ACVR1B: variants seen among roughly 807,000 people sequenced by gnomAD.
ACVR1B encodes the protein activin A receptor type 1B, also known as activin receptor type-1B.
Under a neutral mutation model 55.6 loss-of-function variants are expected in ACVR1B, and 15 were observed. The ratio of observed to expected loss-of-function variants is 0.27; its 90% CI spans 0.18 to 0.42. The LOEUF (loss-of-function observed/expected upper bound fraction) is 0.42, where lower values mean the gene tolerates loss of function less well. Among genes scored for constraint, ACVR1B ranks in the 10% least tolerant of loss-of-function variants. The probability of loss-of-function intolerance (pLI) is 1.00; values close to 1 mark genes in which losing one functional copy is unlikely to be tolerated. For synonymous variants in ACVR1B, 247 were observed against 254.6 expected (o/e 0.97, Z 0.28); for missense variants, 359 against 670.1 (o/e 0.54, Z 5.13).
intron 1 of ACVR1B, among the ~76,000 whole-genome samples, chr12:51,975,004 T>A (rs184051607): frequency 6.6e-6 from 1 of 152,266 alleles, no homozygotes; most frequent in African/African-American, 2.4e-5. Flanking sequence ...GGCATCTCAA[T>A]TTGAAGAAAA....
rs201623223 is a variant in ACVR1B, at chr12:51,975,308, G to A, written c.135G>A (p.Thr45=). 5.0e-6 allele frequency: 8 copies of A among 1,613,892 alleles called. No individual in the cohort carries two copies. Among genetic ancestry groups the A allele is most frequent in the South Asian group, 3.3e-5 (3 of 91,084 alleles). The change falls in exon 2 of 9, where the codon ACG becomes ACA. Residue 45 remains threonine, a synonymous_variant. Transcript: ENST00000257963. Reference sequence around the variant, plus strand: ...CCAGCTGCCTCCAGGCCAACTACACGTGTGAGACAGATGGGGCCTGCATGG... The same window carrying A: ...CCAGCTGCCTCCAGGCCAACTACACATGTGAGACAGATGGGGCCTGCATGG... The part of the protein sequence containing the change: ...ACTSCLQANY[T]CETDGACMVS...
chr12:51,951,878 C>G (rs1347383602), intron 1 of ACVR1B, 44 bp downstream of exon 1: 1 of 1,186,384 alleles, frequency 8.4e-7, no homozygotes, highest in Non-Finnish European at 1.1e-6. Context: ...GGAGAGGGCC[C>G]GGCAAGGGCG....
intron 1 of ACVR1B, among the ~76,000 whole-genome samples, chr12:51,952,596 A>G (rs1385326687): frequency 1.3e-5 from 2 of 152,120 alleles, no homozygotes; most frequent in Admixed American, 6.5e-5. Context: ...GAGTTCCCCA[A>G]GGGTTGATGT....
At chr12:51,960,773 A>G (rs1461960064) in intron 1 of ACVR1B, among the ~76,000 whole-genome samples, 2 of 152,110 alleles carry the variant, frequency 1.3e-5, no homozygotes, top group Admixed American at 6.6e-5. Context: ...TCTGCCTTCA[A>G]TCTCCCATTT....
chr12:51,987,267 C>G (rs1942098628), intron 7 of ACVR1B: 2 of 614,850 alleles, frequency 3.3e-6, no homozygotes, highest in Non-Finnish European at 5.8e-6. Flanking sequence ...ATGCAGTGGT[C>G]TCCTTCACAT....
intron 4 of ACVR1B, 104 bp from the exon 5 acceptor site, chr12:51,983,895 A>T: frequency 8.6e-7 from 1 of 1,168,218 alleles, no homozygotes; most frequent in South Asian, 1.5e-5. Flanking sequence ...ATGTGAATTC[A>T]GGAGTCTAAC....
At position 51,964,337 on chromosome 12, in the gene ACVR1B, G is replaced by A. The variant is rs141757421; in HGVS notation, c.92-10928G>A. Among the ~76,000 whole-genome samples the A allele has an allele frequency of 7.9e-5, 12 of 152,284 alleles. No individual in the cohort carries two copies. The East Asian group carries it at 2.3e-3, about 29-fold the overall frequency. On this transcript the variant is annotated intron_variant, in intron 1 of 8. Coordinates refer to ENST00000257963, the MANE Select transcript of ACVR1B (RefSeq NM_004302.5). The stretch of plus-strand genomic sequence containing the variant: ...CAGTTTTTAATTGGGTTGTTGTTGA[G>A]TTTGAAAAGTTTTTTATATATTCTG...
chr12:51,953,594 TAAAAA>T (rs11404836), intron 1 of ACVR1B: 17 of 744,004 alleles, frequency 2.3e-5, no homozygotes, highest in Non-Finnish European at 2.6e-5. Flanking sequence ...TACTGGGTAG[TAAAAA>T]AAAAAAAAAA....
chr12:51,975,433 CG>C lies in ACVR1B; in HGVS notation c.262del (p.Glu88ArgfsTer19). ...PAGKPFYCLS[S>X]EDLRNTHCCY... ...GGGAAGCCCTTCTACTGCCTGAGCT[CG>C]GAGGACCTGCGCAACACCCACTGCT... is the stretch of plus-strand genomic sequence containing the variant. On this transcript the variant is annotated frameshift_variant, in exon 2 of 9. Coordinates refer to ENST00000257963, the MANE Select transcript of ACVR1B (RefSeq NM_004302.5). LOFTEE classifies it high-confidence loss of function. The C allele has an allele frequency of 6.2e-7, 1 of 1,614,208 alleles. No individual in the cohort carries two copies. The highest frequency in any genetic ancestry group is 8.5e-7 in the Non-Finnish European group (1 of 1,180,054).
At chr12:51,989,836 A>AT (rs1942154177) in intron 7 of ACVR1B, among the ~76,000 whole-genome samples, 1 of 151,962 alleles carries the variant, frequency 6.6e-6, no homozygotes, top group Non-Finnish European at 1.5e-5. Context: ...ATACAAAAAA[A>AT]TTGCCAGGTA....
At chr12:51,965,821 T>G (rs17701855) in intron 1 of ACVR1B, among the ~76,000 whole-genome samples, 2,747 of 152,288 alleles carry the variant, frequency 0.018, 28 homozygotes, top group Non-Finnish European at 0.022. Flanking sequence ...AACCCATCCT[T>G]AGGATACGCA....
rs1425270459 is a variant in ACVR1B at position 51,991,791 on chromosome 12, G to C, written c.1262-72G>C. 1.9e-6 allele frequency: 3 copies of C among 1,541,570 alleles called. No individual in the cohort carries two copies. The East Asian group carries it at 6.8e-5, about 35-fold the overall frequency. On this transcript the variant is annotated intron_variant, in intron 7 of 8. Transcript: ENST00000257963. The stretch of plus-strand genomic sequence containing the variant: ...GTGGTATTTACAGAGCACAGTGTAG[G>C]TTTTGTCACCGGCTTCTGAGTAATC...
intron 7 of ACVR1B, 162 bp downstream of exon 7, chr12:51,987,104 C>A: frequency 2.1e-6 from 2 of 941,884 alleles, no homozygotes; most frequent in Non-Finnish European, 3.4e-6. Context: ...GGTAGCTGTG[C>A]TTAGGGTGCG....
At chr12:51,979,250 C>T (rs910086331) in intron 3 of ACVR1B, among the ~76,000 whole-genome samples, 3 of 149,708 alleles carry the variant, frequency 2.0e-5, no homozygotes, top group Admixed American at 6.6e-5. Context: ...TAGATCACCT[C>T]AGGTCAGGAG....
intron 1 of ACVR1B, among the ~76,000 whole-genome samples, chr12:51,962,575 C>CT (rs1452802473): frequency 1.3e-5 from 2 of 151,978 alleles, no homozygotes; most frequent in Non-Finnish European, 1.5e-5. Context: ...TCTATTTAGG[C>CT]TAGTTAGAAC....
Position 51,985,173 on chromosome 12 carries a change from C to T in ACVR1B, c.980-19C>T, listed in dbSNP as rs1217452428. On this transcript the variant is annotated intron_variant, in intron 5 of 8. Transcript: ENST00000257963. ...TTATATCATCTCTTTGTAAAGATCC[C>T]TGTTTTTTTCTCTGCCAGGGAAGCC... 6.3e-7 allele frequency: 1 copy of T among 1,599,234 alleles called. No individual in the cohort carries two copies. Among genetic ancestry groups the T allele is most frequent in the South Asian group, 1.1e-5 (1 of 88,374 alleles).
At chr12:51,991,589 A>G (rs1942191768) in intron 7 of ACVR1B, among the ~76,000 whole-genome samples, 1 of 152,120 alleles carries the variant, frequency 6.6e-6, no homozygotes, top group Admixed American at 6.5e-5. Flanking sequence ...TTTAGTAGAG[A>G]TGGGGTTTTA....
At chr12:51,964,113 A>G (rs923899473) in intron 1 of ACVR1B, among the ~76,000 whole-genome samples, 4 of 152,168 alleles carry the variant, frequency 2.6e-5, no homozygotes, top group Non-Finnish European at 5.9e-5. Flanking sequence ...ATGTCTGTTC[A>G]GGTCTTTTTC....
Position 51,976,458 on chromosome 12 carries a change from G to A in ACVR1B, c.463G>A (p.Val155Ile), listed in dbSNP as rs748955710. The A allele has an allele frequency of 3.1e-6, 5 of 1,614,112 alleles. No homozygotes were observed. In the East Asian group the frequency reaches 6.7e-5, roughly 22 times the overall value. The change falls in exon 3 of 9, where the codon GTC (valine) becomes ATC (isoleucine). Residue 155 changes from valine (V) to isoleucine (I), a missense_variant. This residue lies in a region of ACVR1B where 133 missense variants were observed against 188.2 expected (regional missense o/e 0.71). Transcript: ENST00000257963. The part of the protein sequence containing the change: ...VFLVINYHQR[V>I]YHNRQRLDME... ...CCTTGTCATTAACTATCATCAGCGT[G>A]TCTATCACAACCGCCAGAGACTGGA...
Sources: allele counts gnomAD v4.1 joint callset (sites outside exome capture counted in the v4.1 genomes callset), GRCh38; gene constraint gnomAD v4.1.1; regional missense constraint gnomAD v4.1.1; transcripts MANE v1.5; gene names NCBI Gene and HGNC (gene_info 2026-07-23, HGNC 2026-07-21).